RBMS3: variants seen among roughly 807,000 people sequenced by gnomAD.
RBMS3 encodes the protein RNA binding motif single stranded interacting protein 3, also known as RNA-binding motif, single-stranded-interacting protein 3.
A neutral mutation model predicts 66.8 loss-of-function variants in RBMS3; 27 were observed. The observed-to-expected ratio is 0.40, with a 90% CI of 0.30 to 0.56. The LOEUF (loss-of-function observed/expected upper bound fraction) is 0.56. RBMS3 is among the 20% of genes least tolerant of loss of function. The probability of loss-of-function intolerance (pLI) is 0.40; values close to 1 mark genes in which losing one functional copy is unlikely to be tolerated. For missense variants in RBMS3, 513 were observed against 549.5 expected, an observed-to-expected ratio of 0.93 and a Z score of 0.66; for synonymous variants, 188 against 183.0, an observed-to-expected ratio of 1.03 and a Z score of -0.22.
rs1471134 is a variant in RBMS3, at chr3:29,583,346, G to A, written c.308-3768G>A. 7.0e-3 allele frequency among the ~76,000 whole-genome samples: 1,068 copies of A among 152,210 alleles called. 32 individuals carry two copies. The highest frequency in any genetic ancestry group is 0.056 in the Admixed American group (860 of 15,284). On this transcript the variant is annotated intron_variant, in intron 3 of 14. Coordinates refer to ENST00000383767, the MANE Select transcript of RBMS3 (RefSeq NM_001003793.3). ...CCATAAAATAAGAGGCTGCCTGCTG[G>A]GTGGCAGCATGGCTGAAACAGAACC...
chr3:29,683,583 G>A (rs1450711792), intron 4 of RBMS3, among the ~76,000 whole-genome samples: 2 of 151,914 alleles, frequency 1.3e-5, no homozygotes, highest in Non-Finnish European at 2.9e-5. Context: ...GAAATATATA[G>A]GGACACAGAC....
chr3:29,508,189 T>C (rs1470854434), intron 3 of RBMS3, among the ~76,000 whole-genome samples: 1 of 152,146 alleles, frequency 6.6e-6, no homozygotes, highest in African/African-American at 2.4e-5. Flanking sequence ...ATCTATTTTT[T>C]CCCCATATCT....
chr3:29,985,494 T>A (rs944140823), intron 12 of RBMS3, among the ~76,000 whole-genome samples: 4 of 151,942 alleles, frequency 2.6e-5, no homozygotes, highest in African/African-American at 9.7e-5. Flanking sequence ...CCCAAGAGAA[T>A]CTCCTGTTTT....
At chr3:29,923,298 G>A (rs2060842359) in intron 10 of RBMS3, among the ~76,000 whole-genome samples, 1 of 152,168 alleles carries the variant, frequency 6.6e-6, no homozygotes, top group Non-Finnish European at 1.5e-5. Context: ...TGCAAAGAGT[G>A]GGCAGTCCAT....
At chr3:29,426,413 T>A (rs1442320587) in intron 1 of RBMS3, among the ~76,000 whole-genome samples, 4 of 152,222 alleles carry the variant, frequency 2.6e-5, no homozygotes, top group Admixed American at 2.6e-4. Flanking sequence ...AATTTTAAAA[T>A]GTCATTTAAT....
At chr3:29,409,666 G>T (rs556326639) in intron 1 of RBMS3, among the ~76,000 whole-genome samples, 3 of 152,236 alleles carry the variant, frequency 2.0e-5, no homozygotes, top group South Asian at 2.1e-4. Context: ...TATCATACTC[G>T]TGACTATCTT....
chr3:29,320,819 C>G (rs1039363366), intron 1 of RBMS3, among the ~76,000 whole-genome samples: 1 of 151,598 alleles, frequency 6.6e-6, no homozygotes, highest in Non-Finnish European at 1.5e-5. Flanking sequence ...AAAAATACTC[C>G]TTAATAGAAA....
chr3:29,509,995 C>G (rs1428010857), intron 3 of RBMS3, among the ~76,000 whole-genome samples: 1 of 152,170 alleles, frequency 6.6e-6, no homozygotes, highest in Admixed American at 6.5e-5. Context: ...AAAAAATGAT[C>G]ATGCATGTGA....
chr3:29,998,364 C>T (rs1158272975), intron 14 of RBMS3, among the ~76,000 whole-genome samples: 2 of 152,094 alleles, frequency 1.3e-5, no homozygotes, highest in African/African-American at 4.8e-5. Flanking sequence ...AGATTCAATG[C>T]CATCCCCATC....
intron 1 of RBMS3, among the ~76,000 whole-genome samples, chr3:29,394,866 C>G (rs77915628): frequency 0.012 from 1,826 of 152,156 alleles, 35 homozygotes; most frequent in African/African-American, 0.041. Flanking sequence ...CAGATTTGGC[C>G]TTTCTTCAAC....
intron 6 of RBMS3, among the ~76,000 whole-genome samples, chr3:29,767,867 T>C (rs937071698): frequency 6.6e-6 from 1 of 151,962 alleles, no homozygotes; most frequent in Non-Finnish European, 1.5e-5. Context: ...TTGCAGAGCT[T>C]TGCGATCTGT....
At chr3:29,781,482 A>G (rs2056629701) in intron 6 of RBMS3, among the ~76,000 whole-genome samples, 1 of 152,180 alleles carries the variant, frequency 6.6e-6, no homozygotes, top group Admixed American at 6.5e-5. Flanking sequence ...TGGAAATTGA[A>G]TATGATAAAA....
intron 4 of RBMS3, among the ~76,000 whole-genome samples, chr3:29,620,215 T>C (rs1448505159): frequency 1.3e-5 from 2 of 152,170 alleles, no homozygotes; most frequent in African/African-American, 4.8e-5. Flanking sequence ...TTGGATCCTT[T>C]AATGCTTAGA....
At chr3:29,672,304 A>C (rs551261266) in intron 4 of RBMS3, among the ~76,000 whole-genome samples, 1 of 152,362 alleles carries the variant, frequency 6.6e-6, no homozygotes, top group African/African-American at 2.4e-5. Flanking sequence ...CATGGAAAGG[A>C]ATAACCGGTA....
rs1577368522 is a variant in RBMS3, at chr3:30,004,183, C to A, written c.*321C>A. The A allele has an allele frequency of 9.6e-6, 2 of 208,360 alleles. No individual in the cohort carries two copies. The highest frequency in any genetic ancestry group is 2.3e-5 in the African/African-American group (1 of 42,616). 12.9% of individuals were successfully genotyped at this position (208,360 alleles called of 1,614,324 possible). On this transcript the variant is annotated 3_prime_UTR_variant, in exon 15 of 15. Transcript: ENST00000383767. ...TGTGGAAGAACATTTGAATTGAATT[C>A]AGAATTTTTCTGAAGGTGTAGATAC...
At chr3:29,498,736 G>A (rs922818579) in intron 3 of RBMS3, among the ~76,000 whole-genome samples, 5 of 152,230 alleles carry the variant, frequency 3.3e-5, no homozygotes, top group Admixed American at 2.0e-4. Context: ...GTTATATGCC[G>A]GGCACATACA....
chr3:29,935,845 A>G (rs919456128), intron 10 of RBMS3, among the ~76,000 whole-genome samples: 1 of 152,142 alleles, frequency 6.6e-6, no homozygotes, highest in Non-Finnish European at 1.5e-5. Flanking sequence ...TGTAAGTGAC[A>G]TATTTTAGAC....
At chr3:29,970,321 A>G (rs1697141805) in intron 12 of RBMS3, among the ~76,000 whole-genome samples, 1 of 152,184 alleles carries the variant, frequency 6.6e-6, no homozygotes, top group Non-Finnish European at 1.5e-5. Context: ...ATTAGGAGAT[A>G]AAAATGAAGA....
chr3:29,597,282 A>T (rs150417624), intron 4 of RBMS3, among the ~76,000 whole-genome samples: 130 of 152,284 alleles, frequency 8.5e-4, no homozygotes, highest in African/African-American at 3.1e-3. Flanking sequence ...TCCTCAGCAC[A>T]TCTGACTTTT....
Sources: gnomAD v4.1 joint callset for allele counts (sites outside exome capture counted in the v4.1 genomes callset) on GRCh38, gnomAD v4.1.1 for gene constraint, MANE v1.5 for transcripts, NCBI Gene and HGNC (gene_info 2026-07-23, HGNC 2026-07-21) for gene names.